Variants in MARCHF1 observed in about 807,000 individuals in gnomAD.
The protein encoded by MARCHF1 is E3 ubiquitin-protein ligase MARCHF1.
Under a neutral mutation model 54.2 loss-of-function variants are expected in MARCHF1, and 40 were observed. That is an observed-to-expected ratio of 0.74 (90% CI 0.57 to 0.96). The LOEUF (loss-of-function observed/expected upper bound fraction) is 0.96. MARCHF1 is among the 40% of genes least tolerant of loss of function. The pLI is 0.00. For missense variants in MARCHF1, 586 were observed against 656.5 expected (o/e 0.89, Z 1.17); for synonymous variants, 236 against 236.3 (o/e 1.00, Z 0.01).
intron 1 of MARCHF1, among the ~76,000 whole-genome samples, chr4:164,152,290 T>C (rs902158946): frequency 6.6e-6 from 1 of 152,144 alleles, no homozygotes; most frequent in Admixed American, 6.6e-5. Context: ...ATTTTTAAAA[T>C]ATATATTGTA....
At chr4:163,923,580 T>C (rs2111370328) in intron 3 of MARCHF1, among the ~76,000 whole-genome samples, 1 of 152,228 alleles carries the variant, frequency 6.6e-6, no homozygotes, top group Non-Finnish European at 1.5e-5. Flanking sequence ...TCTTATATGC[T>C]ATCTCACTCC....
At chr4:163,987,551 C>T (rs948712955) in intron 3 of MARCHF1, among the ~76,000 whole-genome samples, 3 of 152,022 alleles carry the variant, frequency 2.0e-5, no homozygotes, top group African/African-American at 7.2e-5. Context: ...CCTCTGTCTC[C>T]AGCAGCTATT....
chr4:163,800,814 A>G (rs962215431), intron 4 of MARCHF1, among the ~76,000 whole-genome samples: 10 of 152,148 alleles, frequency 6.6e-5, no homozygotes, highest in Non-Finnish European at 1.5e-4. Context: ...GGAAAAAATC[A>G]TTGTAAACTT....
intron 5 of MARCHF1, among the ~76,000 whole-genome samples, chr4:163,664,656 A>C (rs1247476369): frequency 1.3e-5 from 2 of 152,092 alleles, no homozygotes; most frequent in Non-Finnish European, 2.9e-5. Flanking sequence ...CTGTAGGGTC[A>C]ATTTATCTAG....
chr4:164,187,311 C>T (rs1490597141), intron 1 of MARCHF1, among the ~76,000 whole-genome samples: 1 of 152,110 alleles, frequency 6.6e-6, no homozygotes, highest in East Asian at 1.9e-4. Context: ...AAAGGGTCTC[C>T]CTCTGGATCA....
chr4:164,259,559 A>G (rs1455061436), intron 1 of MARCHF1, among the ~76,000 whole-genome samples: 12 of 119,676 alleles, frequency 1.0e-4, no homozygotes, highest in South Asian at 6.6e-4. Context: ...AAAAAAAAAA[A>G]AAAAAAGAAA....
At chr4:164,320,658 G>A (rs530035316) in intron 1 of MARCHF1, among the ~76,000 whole-genome samples, 55 of 152,130 alleles carry the variant, frequency 3.6e-4, no homozygotes, top group Non-Finnish European at 5.4e-4. Flanking sequence ...ACAGAAAACC[G>A]GTCAATTTAC....
intron 3 of MARCHF1, among the ~76,000 whole-genome samples, chr4:163,929,334 T>C (rs1751603802): frequency 6.6e-6 from 1 of 152,044 alleles, no homozygotes; most frequent in African/African-American, 2.4e-5. Context: ...AGAATTATTA[T>C]AGGCAAAGCA....
chr4:163,564,034 C>G (rs1739558769), intron 8 of MARCHF1, among the ~76,000 whole-genome samples: 1 of 152,178 alleles, frequency 6.6e-6, no homozygotes. Flanking sequence ...AAATGATCTT[C>G]CCACCTAACT....
chr4:164,342,762 C>T (rs146423733), intron 1 of MARCHF1, among the ~76,000 whole-genome samples: 13 of 151,918 alleles, frequency 8.6e-5, no homozygotes, highest in African/African-American at 2.2e-4. Flanking sequence ...TGTGTATATA[C>T]GCAAACACAC....
intron 1 of MARCHF1, among the ~76,000 whole-genome samples, chr4:164,334,288 T>G (rs779227424): frequency 3.3e-5 from 5 of 152,204 alleles, no homozygotes; most frequent in Non-Finnish European, 5.9e-5. Flanking sequence ...AGTCAATGCC[T>G]GGCTTCAAAG....
intron 3 of MARCHF1, among the ~76,000 whole-genome samples, chr4:163,909,377 C>G (rs916881510): frequency 1.3e-5 from 2 of 152,136 alleles, no homozygotes; most frequent in African/African-American, 2.4e-5. Context: ...ATTGCAAGCC[C>G]ATAAATTGTG....
At chr4:163,876,716 A>C (rs1274944721) in intron 3 of MARCHF1, among the ~76,000 whole-genome samples, 2 of 152,148 alleles carry the variant, frequency 1.3e-5, no homozygotes, top group Non-Finnish European at 2.9e-5. Context: ...AAAAGGAAAA[A>C]GGGTATTGAA....
chr4:163,727,595 G>T (rs371970237), intron 4 of MARCHF1, among the ~76,000 whole-genome samples: 18 of 149,088 alleles, frequency 1.2e-4, no homozygotes, highest in African/African-American at 4.2e-4. Context: ...GTGAGCCAAC[G>T]CACCTGGCCC....
chr4:163,944,080 C>T (rs575439306), intron 3 of MARCHF1, among the ~76,000 whole-genome samples: 103 of 151,700 alleles, frequency 6.8e-4, no homozygotes, highest in African/African-American at 2.2e-3. Context: ...CATTCTCCTG[C>T]CTCAGCCTCC....
At chr4:164,154,155 A>G (rs893407798) in intron 1 of MARCHF1, among the ~76,000 whole-genome samples, 1 of 152,244 alleles carries the variant, frequency 6.6e-6, no homozygotes, top group Non-Finnish European at 1.5e-5. Context: ...AATATTAGCA[A>G]TAATAGGCTT....
intron 1 of MARCHF1, among the ~76,000 whole-genome samples, chr4:164,270,229 G>C (rs1409093591): frequency 6.6e-6 from 1 of 152,112 alleles, no homozygotes; most frequent in Non-Finnish European, 1.5e-5. Context: ...CATTGTTACT[G>C]CATCTGCCTG....
intron 2 of MARCHF1, among the ~76,000 whole-genome samples, chr4:164,078,042 A>G (rs1257792628): frequency 1.3e-5 from 2 of 152,222 alleles, no homozygotes; most frequent in Admixed American, 1.3e-4. Context: ...TATATACCCA[A>G]AGGATTATAA....
chr4:164,310,625 A>T (rs1734825595), intron 1 of MARCHF1, among the ~76,000 whole-genome samples: 1 of 141,484 alleles, frequency 7.1e-6, no homozygotes, highest in Non-Finnish European at 1.5e-5. Flanking sequence ...TATTTCTAGT[A>T]GTGAATAATA....
Sources: allele counts gnomAD v4.1 joint callset (sites outside exome capture counted in the v4.1 genomes callset), GRCh38; gene constraint gnomAD v4.1.1; transcripts MANE v1.5; gene names NCBI Gene and HGNC (gene_info 2026-07-23, HGNC 2026-07-21).